The following SH3RF3 variants were observed in gnomAD, a reference collection of about 807,000 sequenced individuals.
The protein encoded by SH3RF3 is E3 ubiquitin-protein ligase SH3RF3.
A neutral mutation model predicts 66.3 loss-of-function variants in SH3RF3; 29 were observed. That is an observed-to-expected ratio of 0.44 (90% CI 0.33 to 0.60). SH3RF3 has a LOEUF of 0.60. Among genes scored for constraint, SH3RF3 ranks in the 20% least tolerant of loss-of-function variants. The pLI, the probability that SH3RF3 is intolerant of heterozygous loss-of-function variation, is 0.04. For synonymous variants in SH3RF3, 583 were observed against 532.0 expected (o/e 1.10, Z -1.32); for missense variants, 1,194 against 1,190.9 (o/e 1.00, Z -0.04).
intron 3 of SH3RF3, among the ~76,000 whole-genome samples, chr2:109,377,927 T>C (rs1434476112): frequency 6.6e-6 from 1 of 152,234 alleles, no homozygotes; most frequent in Non-Finnish European, 1.5e-5. Context: ...ACAGCTCTCA[T>C]TGGGAGCGGA....
chr2:109,235,353 A>G (rs1679622230), intron 1 of SH3RF3, among the ~76,000 whole-genome samples: 2 of 152,228 alleles, frequency 1.3e-5, no homozygotes, highest in South Asian at 4.2e-4. Context: ...TCTAAGGGCC[A>G]CTAAAGAGAC....
Position 109,398,589 on chromosome 2 carries a change from G to C in SH3RF3, c.946-1G>C, listed in dbSNP as rs1160512412. On this transcript the variant is annotated splice_acceptor_variant, in intron 3 of 9. Transcript: ENST00000309415. LOFTEE classifies it high-confidence loss of function. ...CCTCCCCTCTCCCCTTTCTCACTCAGCTCAATGACTCCGCCAAGCAGCTCA... is the reference window on the plus strand; with the variant it reads ...CCTCCCCTCTCCCCTTTCTCACTCACCTCAATGACTCCGCCAAGCAGCTCA... 1 of 1,554,546 alleles carries C rather than the reference G, an allele frequency of 6.4e-7. No homozygotes were observed. The highest frequency in any genetic ancestry group is 8.7e-7 in the Non-Finnish European group (1 of 1,151,100).
chr2:109,184,884 A>T (rs899072254), intron 1 of SH3RF3, among the ~76,000 whole-genome samples: 1 of 152,384 alleles, frequency 6.6e-6, no homozygotes, highest in East Asian at 1.9e-4. Context: ...CTGGTCCCTC[A>T]GCGAAAAAGG....
At chr2:109,361,680 T>C (rs1178325074) in intron 2 of SH3RF3, among the ~76,000 whole-genome samples, 1 of 152,198 alleles carries the variant, frequency 6.6e-6, no homozygotes, top group African/African-American at 2.4e-5. Flanking sequence ...TTCACCATGT[T>C]GGTCAGGCTG....
chr2:109,157,189 A>T (rs1677367067), intron 1 of SH3RF3, among the ~76,000 whole-genome samples: 1 of 152,096 alleles, frequency 6.6e-6, no homozygotes, highest in African/African-American at 2.4e-5. Context: ...GGATCATAGT[A>T]TTGACTGGGG....
chr2:109,142,173 A>G (rs1296459536), intron 1 of SH3RF3, among the ~76,000 whole-genome samples: 4 of 151,824 alleles, frequency 2.6e-5, no homozygotes, highest in African/African-American at 7.3e-5. Flanking sequence ...AATGCTTCCC[A>G]TGGTCCAGCC....
rs151267295 is a variant in SH3RF3 at position 109,197,336 on chromosome 2, A to AGAAGG, written c.573+67235_573+67239dup. On this transcript the variant is annotated intron_variant, in intron 1 of 9. Coordinates refer to ENST00000309415, the MANE Select transcript of SH3RF3 (RefSeq NM_001099289.3). ...GTTCTGCCTGACACAGGAGGGGTTA[A>AGAAGG]GAAGGGAAGGGAAGGGCCAGACCCA... 9.4e-3 allele frequency among the ~76,000 whole-genome samples: 1,434 copies of AGAAGG among 152,254 alleles called. 11 individuals carry two copies. Among genetic ancestry groups the AGAAGG allele is most frequent in the East Asian group, 0.035 (181 of 5,172 alleles).
chr2:109,338,251 G>A (rs985835510), intron 1 of SH3RF3, among the ~76,000 whole-genome samples: 1 of 152,134 alleles, frequency 6.6e-6, no homozygotes, highest in Non-Finnish European at 1.5e-5. Context: ...CTGTGAGACA[G>A]ATACTTAGCA....
At chr2:109,198,033 A>G (rs1305277021) in intron 1 of SH3RF3, among the ~76,000 whole-genome samples, 1 of 152,146 alleles carries the variant, frequency 6.6e-6, no homozygotes. Context: ...GGTTTCCAGC[A>G]GAGTTGTGGC....
At chr2:109,265,675 A>T (rs1467972231) in intron 1 of SH3RF3, among the ~76,000 whole-genome samples, 1 of 152,356 alleles carries the variant, frequency 6.6e-6, no homozygotes, top group Non-Finnish European at 1.5e-5. Context: ...ATTTGGGTTG[A>T]ATTTATAGCC....
chr2:109,376,563 G>A (rs1368268209), intron 3 of SH3RF3, among the ~76,000 whole-genome samples: 1 of 152,216 alleles, frequency 6.6e-6, no homozygotes, highest in African/African-American at 2.4e-5. Context: ...AAAGACAGTA[G>A]ACACAAGTGT....
chr2:109,233,181 G>C (rs1157928489), intron 1 of SH3RF3, among the ~76,000 whole-genome samples: 1 of 152,192 alleles, frequency 6.6e-6, no homozygotes, highest in African/African-American at 2.4e-5. Flanking sequence ...CAGTCAGGGT[G>C]ACAGCTTCTT....
intron 1 of SH3RF3, among the ~76,000 whole-genome samples, chr2:109,222,058 A>G (rs1679257910): frequency 6.6e-6 from 1 of 152,208 alleles, no homozygotes; most frequent in South Asian, 2.1e-4. Context: ...ACATGGATGA[A>G]ACTGCAGGTG....
chr2:109,185,346 G>C (rs1052486011), intron 1 of SH3RF3, among the ~76,000 whole-genome samples: 1 of 152,184 alleles, frequency 6.6e-6, no homozygotes, highest in Non-Finnish European at 1.5e-5. Flanking sequence ...ATAAAAGATT[G>C]GATTGTTAGA....
chr2:109,400,295 G>A (rs958004780), intron 4 of SH3RF3, among the ~76,000 whole-genome samples: 3 of 151,692 alleles, frequency 2.0e-5, no homozygotes, highest in African/African-American at 7.3e-5. Flanking sequence ...CCACGCACAT[G>A]TGCACTCATA....
chr2:109,290,529 C>T (rs1370095073), intron 1 of SH3RF3, among the ~76,000 whole-genome samples: 4 of 152,262 alleles, frequency 2.6e-5, no homozygotes, highest in Admixed American at 6.5e-5. Flanking sequence ...CATATTATGC[C>T]TAGCTAGGCT....
chr2:109,258,602 C>T (rs149455223), intron 1 of SH3RF3, among the ~76,000 whole-genome samples: 7 of 152,344 alleles, frequency 4.6e-5, no homozygotes, highest in Admixed American at 3.3e-4. Context: ...TTCCCCAGGC[C>T]GGGCCACAGC....
At chr2:109,443,208 C>T (rs1189701715) in intron 7 of SH3RF3, among the ~76,000 whole-genome samples, 1 of 152,184 alleles carries the variant, frequency 6.6e-6, no homozygotes, top group Non-Finnish European at 1.5e-5. Context: ...ATTTATTTGA[C>T]AAAAGAGAAA....
intron 1 of SH3RF3, among the ~76,000 whole-genome samples, chr2:109,136,742 A>C (rs1055083196): frequency 6.6e-6 from 1 of 152,254 alleles, no homozygotes; most frequent in Admixed American, 6.5e-5. Context: ...TAATGTGTGC[A>C]TAAGGCTCAC....
Sources: gnomAD v4.1 joint callset for allele counts (sites outside exome capture counted in the v4.1 genomes callset) on GRCh38, gnomAD v4.1.1 for gene constraint, MANE v1.5 for transcripts, NCBI Gene and HGNC (gene_info 2026-07-23, HGNC 2026-07-21) for gene names.